SELENOF: variants seen among roughly 807,000 people sequenced by gnomAD.
The protein encoded by SELENOF is selenoprotein F, also known as 15 kDa selenoprotein.
SELENOF carries 16 observed loss-of-function variants against 20.5 expected under a neutral mutation model. The observed-to-expected ratio is 0.78, with a 90% confidence interval of 0.53 to 1.19. The LOEUF is 1.19. Among genes scored for constraint, SELENOF ranks in the 50% most tolerant of loss-of-function variants. SELENOF has a pLI of 0.00. For synonymous variants in SELENOF, 78 were observed against 74.5 expected, an observed-to-expected ratio of 1.05 and a Z score of -0.24; for missense variants, 215 against 194.2, an observed-to-expected ratio of 1.11 and a Z score of -0.64.
Position 86,863,390 on chromosome 1 carries a change from C to A in SELENOF, c.*84G>T. ...CAAGTAAAAGACTGATCAATGGAAG[C>A]AAGCAAAACTAAATTATTTTCTAGG... On this transcript the variant is annotated 3_prime_UTR_variant, in exon 5 of 5. Transcript: ENST00000331835. The A allele has an allele frequency of 8.3e-7, 1 of 1,202,602 alleles. No homozygotes were observed. The highest frequency in any genetic ancestry group is 2.4e-5 in the Admixed American group (1 of 40,902). The allele number at this position is 1,202,602 out of a possible 1,614,324, so 74.5% of individuals were successfully genotyped here.
At chr1:86,870,145 T>A (rs1444041020) in intron 3 of SELENOF, among the ~76,000 whole-genome samples, 1 of 152,202 alleles carries the variant, frequency 6.6e-6, no homozygotes, top group Non-Finnish European at 1.5e-5. Context: ...TTTGCATAAT[T>A]CTCATCTTAG....
At position 86,896,516 on chromosome 1, in the gene SELENOF, A is replaced by G. The variant is rs551171416; in HGVS notation, c.252+6765T>C. Among the ~76,000 whole-genome samples, 16 of 152,356 alleles carry G rather than the reference A, an allele frequency of 1.1e-4. No homozygotes were observed. The South Asian group carries it at 3.3e-3, about 32-fold the overall frequency. Reference sequence around the variant, plus strand: ...GTGAATAGTTCAAAAATTCTAACAGAAAAAATATTTATATGTATCCCAAGA... The same window carrying G: ...GTGAATAGTTCAAAAATTCTAACAGGAAAAATATTTATATGTATCCCAAGA... On this transcript the variant is annotated intron_variant, in intron 2 of 4. Transcript: ENST00000331835.
At chr1:86,872,675 C>A (rs1437027552) in intron 3 of SELENOF, among the ~76,000 whole-genome samples, 2 of 151,756 alleles carry the variant, frequency 1.3e-5, no homozygotes, top group Non-Finnish European at 2.9e-5. Flanking sequence ...GCCACGAATG[C>A]GGGCAGATCA....
chr1:86,898,869 G>C (rs543534292), intron 2 of SELENOF, among the ~76,000 whole-genome samples: 201 of 151,700 alleles, frequency 1.3e-3, no homozygotes, highest in Non-Finnish European at 1.9e-3. Flanking sequence ...ATAGTGGAGG[G>C]AAGGTCAGCA....
chr1:86,869,174 A>G (rs923647205), intron 3 of SELENOF, among the ~76,000 whole-genome samples: 2 of 152,198 alleles, frequency 1.3e-5, no homozygotes, highest in African/African-American at 4.8e-5. Context: ...CCTGAAGGGT[A>G]TTTAGCAAAA....
chr1:86,892,247 A>G (rs148002952), intron 2 of SELENOF, among the ~76,000 whole-genome samples: 6 of 152,164 alleles, frequency 3.9e-5, no homozygotes, highest in African/African-American at 1.4e-4. Flanking sequence ...CTATGTTATT[A>G]TTTAGTATTA....
At chr1:86,888,486 G>A (rs1452174933) in intron 2 of SELENOF, among the ~76,000 whole-genome samples, 2 of 152,026 alleles carry the variant, frequency 1.3e-5, no homozygotes, top group Non-Finnish European at 2.9e-5. Flanking sequence ...TGTTGCCCAG[G>A]TTGGTCTCAA....
At chr1:86,902,783 A>T (rs971609688) in intron 2 of SELENOF, among the ~76,000 whole-genome samples, 1 of 152,242 alleles carries the variant, frequency 6.6e-6, no homozygotes, top group African/African-American at 2.4e-5. Context: ...CTGTTTTCAG[A>T]TGTTAAAGGT....
chr1:86,873,619 G>A (rs1321032111), intron 3 of SELENOF, among the ~76,000 whole-genome samples: 1 of 152,162 alleles, frequency 6.6e-6, no homozygotes, highest in African/African-American at 2.4e-5. Context: ...GGGAGGCTGA[G>A]GCAGGCAGAT....
Position 86,864,887 on chromosome 1 carries a change from G to A in SELENOF, c.367-1282C>T, listed in dbSNP as rs1557451078. On this transcript the variant is annotated intron_variant, in intron 4 of 4. Transcript: ENST00000331835. ...GACCTCAGGTTATCTGCCCACCTCC[G>A]CCTCCCAAAGTGCTGGGATTACATA... 2.6e-5 allele frequency among the ~76,000 whole-genome samples: 4 copies of A among 152,088 alleles called. No individual in the cohort carries two copies. The South Asian group carries it at 6.2e-4, about 24-fold the overall frequency.
intron 4 of SELENOF, among the ~76,000 whole-genome samples, chr1:86,866,250 G>C (rs1248579564): frequency 6.8e-6 from 1 of 147,332 alleles, no homozygotes; most frequent in Non-Finnish European, 1.5e-5. Flanking sequence ...GTGTGTGTGT[G>C]TGTGTGTGTG....
intron 2 of SELENOF, among the ~76,000 whole-genome samples, chr1:86,897,648 T>C (rs1659560612): frequency 1.3e-5 from 2 of 152,166 alleles, no homozygotes; most frequent in Admixed American, 1.3e-4. Flanking sequence ...ACATAGCTAC[T>C]ATGCAGCTAA....
intron 3 of SELENOF, among the ~76,000 whole-genome samples, chr1:86,875,160 G>A (rs1253498082): frequency 2.0e-5 from 3 of 151,888 alleles, no homozygotes; most frequent in Non-Finnish European, 4.4e-5. Context: ...AGAATTGCTG[G>A]AACCTGGGAG....
In SELENOF at chr1:86,903,359, GAGA is replaced by G; in HGVS notation, c.171_173del (p.Leu58del). ...CCAGCTGAAGCAGGTTGAACTGTCC[GAGA>G]AGATCACAAGAGCTGCAAAGCAAGT... On this transcript the variant is annotated inframe_deletion, in exon 2 of 5. Transcript: ENST00000331835. The G allele has an allele frequency of 6.2e-7, 1 of 1,612,126 alleles. No individual in the cohort carries two copies. Among genetic ancestry groups the G allele is most frequent in the Non-Finnish European group, 8.5e-7 (1 of 1,179,004 alleles).
At chr1:86,877,121 G>C (rs1658943287) in intron 3 of SELENOF, among the ~76,000 whole-genome samples, 1 of 152,172 alleles carries the variant, frequency 6.6e-6, no homozygotes, top group South Asian at 2.1e-4. Context: ...TACTGGAATA[G>C]TGATTGTCAT....
intron 2 of SELENOF, among the ~76,000 whole-genome samples, chr1:86,888,096 A>G (rs1211641717): frequency 6.6e-6 from 1 of 152,052 alleles, no homozygotes; most frequent in Non-Finnish European, 1.5e-5. Context: ...CCCTGTCTCC[A>G]TAAAAATACA....
chr1:86,865,768 TG>T (rs1658574354), intron 4 of SELENOF, among the ~76,000 whole-genome samples: 1 of 152,254 alleles, frequency 6.6e-6, no homozygotes, highest in East Asian at 1.9e-4. Flanking sequence ...TTCCACTTCT[TG>T]GAATATAGAC....
chr1:86,914,322 C>G, upstream of SELENOF: 2 of 588,288 alleles, frequency 3.4e-6, no homozygotes. Flanking sequence ...TGCCTAAACT[C>G]CCCACTTCTT....
At chr1:86,891,191 A>G (rs1420000711) in intron 2 of SELENOF, among the ~76,000 whole-genome samples, 1 of 151,982 alleles carries the variant, frequency 6.6e-6, no homozygotes, top group Non-Finnish European at 1.5e-5. Context: ...CTGAGGTTAC[A>G]GGCATGTGCC....
Sources: allele counts gnomAD v4.1 joint callset (sites outside exome capture counted in the v4.1 genomes callset), GRCh38; gene constraint gnomAD v4.1.1; transcripts MANE v1.5; gene names NCBI Gene and HGNC (gene_info 2026-07-23, HGNC 2026-07-21).